The following HEATR5A variants were observed in gnomAD, a reference collection of about 807,000 sequenced individuals.
HEATR5A encodes HEAT repeat-containing protein 5A.
HEATR5A carries 178 observed loss-of-function variants against 218.8 expected under a neutral mutation model. The ratio of observed to expected loss-of-function variants is 0.81; its 90% CI spans 0.72 to 0.92. HEATR5A has a LOEUF of 0.92. Among genes scored for constraint, HEATR5A ranks in the 40% least tolerant of loss-of-function variants. The pLI is 0.00. For synonymous variants in HEATR5A, 864 were observed against 871.6 expected (o/e 0.99, Z 0.15); for missense variants, 2,420 against 2,418.9 (o/e 1.00, Z -0.01).
intron 33 of HEATR5A, among the ~76,000 whole-genome samples, chr14:31,300,975 T>C (rs148816290): frequency 1.3e-3 from 199 of 152,346 alleles, no homozygotes; most frequent in African/African-American, 4.4e-3. Flanking sequence ...ACTATTGCCT[T>C]TGGGAAATTC....
At chr14:31,306,929 T>G in intron 30 of HEATR5A, 50 bp from the exon 31 acceptor site, 1 of 1,429,644 alleles carries the variant, frequency 7.0e-7, no homozygotes, top group Non-Finnish European at 9.4e-7. Context: ...TATACATTTC[T>G]TTTGTAAAAA....
chr14:31,354,633 G>A (rs921232970), intron 16 of HEATR5A, among the ~76,000 whole-genome samples: 3 of 152,078 alleles, frequency 2.0e-5, no homozygotes, highest in Non-Finnish European at 4.4e-5. Context: ...TGAAATGATA[G>A]GTACTAAAAG....
At chr14:31,419,238 T>C (rs1367980994) in intron 1 of HEATR5A, among the ~76,000 whole-genome samples, 2 of 151,976 alleles carry the variant, frequency 1.3e-5, no homozygotes, top group South Asian at 2.1e-4. Context: ...ATTCTCCAAC[T>C]GTCACTATTC....
chr14:31,335,438 G>A (rs1900620198), intron 22 of HEATR5A, among the ~76,000 whole-genome samples: 1 of 151,756 alleles, frequency 6.6e-6, no homozygotes, highest in Non-Finnish European at 1.5e-5. Flanking sequence ...TCTCACCTCA[G>A]CCTCTAAGGA....
chr14:31,343,258 A>G (rs1446603653), intron 21 of HEATR5A, among the ~76,000 whole-genome samples: 1 of 151,984 alleles, frequency 6.6e-6, no homozygotes, highest in Admixed American at 6.6e-5. Context: ...ACGCCCAGCT[A>G]ATTTTTGTAT....
chr14:31,319,119 T>A (rs1395497724), intron 25 of HEATR5A, among the ~76,000 whole-genome samples: 1 of 152,216 alleles, frequency 6.6e-6, no homozygotes, highest in Non-Finnish European at 1.5e-5. Context: ...CTTAATTAAG[T>A]TGAATTATAA....
At chr14:31,321,472 T>C in intron 25 of HEATR5A, 27 bp downstream of exon 25, 2 of 1,525,238 alleles carry the variant, frequency 1.3e-6, no homozygotes, top group South Asian at 1.2e-5. Context: ...TGTTTAATAA[T>C]AAAATTCTCT....
intron 22 of HEATR5A, among the ~76,000 whole-genome samples, chr14:31,326,708 T>C (rs1193752436): frequency 6.6e-6 from 1 of 152,158 alleles, no homozygotes; most frequent in Non-Finnish European, 1.5e-5. Flanking sequence ...AATGGCACGA[T>C]CTTGGCTCAC....
At chr14:31,358,870 A>C (rs942907) in intron 15 of HEATR5A, 24 bp downstream of exon 15, 1,463,511 of 1,604,870 alleles carry the variant, frequency 0.91, 670,571 homozygotes, top group Non-Finnish European at 0.93. Flanking sequence ...ATTGAATCTA[A>C]TCAAGAGTAA....
At chr14:31,386,294 AT>A (rs1453834437) in intron 9 of HEATR5A, 125 bp downstream of exon 9, 1 of 696,918 alleles carries the variant, frequency 1.4e-6, no homozygotes, top group African/African-American at 1.9e-5. Flanking sequence ...CTGATTATAA[AT>A]TTTTCATAAA....
chr14:31,366,851 G>A (rs1215853825), intron 13 of HEATR5A, among the ~76,000 whole-genome samples: 1 of 152,156 alleles, frequency 6.6e-6, no homozygotes, highest in African/African-American at 2.4e-5. Context: ...CATGGTAGGG[G>A]TGTAAAACCC....
intron 13 of HEATR5A, among the ~76,000 whole-genome samples, chr14:31,369,354 T>G (rs529321735): frequency 1.3e-5 from 2 of 150,766 alleles, no homozygotes; most frequent in South Asian, 4.2e-4. Context: ...GGCTCATGCT[T>G]GTAATCCCAG....
chr14:31,400,430 T>C lies in HEATR5A; in HGVS notation c.209A>G (p.Lys70Arg), dbSNP rs1414624229. 8 of 1,535,844 alleles carry C rather than the reference T, an allele frequency of 5.2e-6. No individual in the cohort carries two copies. Among genetic ancestry groups the C allele is most frequent in the Non-Finnish European group, 7.0e-6 (8 of 1,146,872 alleles). The change falls in exon 3 of 36, where the codon AAA becomes AGA. Residue 70 changes from lysine to arginine, a missense_variant. Coordinates refer to ENST00000543095, the MANE Select transcript of HEATR5A (RefSeq NM_015473.4). ...TATGGCTAGATTCTTAGCAAGCAGT[T>C]TGCGGGTAGGAGGCCCTGGGGAGCT... ...LNSSPGPPTRKLLAKNLAILY... is the reference protein window; with the variant it reads ...LNSSPGPPTRRLLAKNLAILY...
chr14:31,410,892 A>G (rs2031248360), intron 1 of HEATR5A, among the ~76,000 whole-genome samples: 1 of 152,202 alleles, frequency 6.6e-6, no homozygotes, highest in Non-Finnish European at 1.5e-5. Context: ...GTATGACCTT[A>G]ATATTAGTCT....
At chr14:31,318,393 A>G (rs1595091305) in intron 25 of HEATR5A, 101 bp from the exon 26 acceptor site, 1 of 909,864 alleles carries the variant, frequency 1.1e-6, no homozygotes, top group Non-Finnish European at 1.8e-6. Context: ...TATAACAGGT[A>G]TTATGGACAG....
At chr14:31,386,971 T>C in intron 8 of HEATR5A, 149 bp downstream of exon 8, 1 of 731,648 alleles carries the variant, frequency 1.4e-6, no homozygotes, top group Non-Finnish European at 2.2e-6. Flanking sequence ...TTATCTTAAA[T>C]TCTATAGGAA....
chr14:31,400,039 C>T (rs757532331), intron 3 of HEATR5A, among the ~76,000 whole-genome samples: 10 of 152,164 alleles, frequency 6.6e-5, no homozygotes, highest in Non-Finnish European at 1.3e-4. Flanking sequence ...AAATATCTTT[C>T]TTAAACACTC....
chr14:31,343,191 C>T (rs941721113), intron 21 of HEATR5A, among the ~76,000 whole-genome samples: 9 of 151,770 alleles, frequency 5.9e-5, no homozygotes, highest in Non-Finnish European at 1.0e-4. Flanking sequence ...CTCCCGGGTT[C>T]AAGCGATTCT....
chr14:31,395,105 C>T (rs2030605631), intron 5 of HEATR5A, 94 bp downstream of exon 5: 1 of 786,122 alleles, frequency 1.3e-6, no homozygotes, highest in East Asian at 2.7e-5. Flanking sequence ...AGCTGACTAC[C>T]AAGATCATGT....
Sources: gnomAD v4.1 joint callset for allele counts (sites outside exome capture counted in the v4.1 genomes callset) on GRCh38, gnomAD v4.1.1 for gene constraint, MANE v1.5 for transcripts, NCBI Gene and HGNC (gene_info 2026-07-23, HGNC 2026-07-21) for gene names.